CSMD2: variants seen among roughly 807,000 people sequenced by gnomAD.
CSMD2 encodes the protein CUB and Sushi multiple domains 2.
CSMD2 carries 130 observed loss-of-function variants against 398.5 expected under a neutral mutation model. The observed-to-expected ratio is 0.33, with a 90% CI of 0.28 to 0.38. The LOEUF is 0.38. Ranked by LOEUF, CSMD2 falls within the 10% of genes least tolerant of loss-of-function variation. CSMD2 has a pLI of 1.00. For missense variants in CSMD2, 3,829 were observed against 4,764.9 expected (o/e 0.80, Z 5.78); for synonymous variants, 1,828 against 1,908.5 (o/e 0.96, Z 1.10).
chr1:33,535,846 G>A (rs1423705447), intron 62 of CSMD2, among the ~76,000 whole-genome samples: 1 of 152,144 alleles, frequency 6.6e-6, no homozygotes, highest in African/African-American at 2.4e-5. Flanking sequence ...TTCTCATCAT[G>A]GAGGCCGTAG....
At chr1:33,765,102 A>G (rs1650324810) in intron 13 of CSMD2, among the ~76,000 whole-genome samples, 3 of 152,262 alleles carry the variant, frequency 2.0e-5, no homozygotes. Context: ...GTGTCTGGAT[A>G]TGAGGGCTGT....
chr1:33,718,174 G>C (rs1030453555), intron 19 of CSMD2, among the ~76,000 whole-genome samples: 3 of 152,186 alleles, frequency 2.0e-5, no homozygotes, highest in Non-Finnish European at 4.4e-5. Flanking sequence ...GATTGCAGAG[G>C]CTGTGCTCTC....
chr1:33,775,547 C>A (rs1651861975), intron 12 of CSMD2, among the ~76,000 whole-genome samples: 1 of 152,148 alleles, frequency 6.6e-6, no homozygotes, highest in Non-Finnish European at 1.5e-5. Flanking sequence ...TCACAGCTAA[C>A]TTTAGTTACA....
At chr1:33,617,936 C>G (rs1271378000) in intron 37 of CSMD2, among the ~76,000 whole-genome samples, 3 of 152,140 alleles carry the variant, frequency 2.0e-5, no homozygotes, top group Admixed American at 1.3e-4. Flanking sequence ...TCTGCATGCT[C>G]TCCTCCCACA....
chr1:34,093,420 C>T lies in CSMD2; in HGVS notation c.188-4227G>A, dbSNP rs376785293. 6.5e-3 allele frequency among the ~76,000 whole-genome samples: 992 copies of T among 152,294 alleles called. 11 individuals carry two copies. The highest frequency in any genetic ancestry group is 0.022 in the African/African-American group (916 of 41,554). On this transcript the variant is annotated intron_variant, in intron 1 of 70. Transcript: ENST00000373381. ...AAAGCTGGACGGAGAATGACTTTGA[C>T]GAGCTGAGAGAAGAAGGCTTCAGAC...
At chr1:33,703,277 G>T (rs747745327) in intron 22 of CSMD2, among the ~76,000 whole-genome samples, 1 of 152,166 alleles carries the variant, frequency 6.6e-6, no homozygotes, top group African/African-American at 2.4e-5. Flanking sequence ...TGTATAGACG[G>T]ATTTGAGAAA....
chr1:33,728,513 C>T (rs912203612), intron 15 of CSMD2, among the ~76,000 whole-genome samples: 3 of 152,084 alleles, frequency 2.0e-5, no homozygotes, highest in Admixed American at 6.6e-5. Context: ...CATTTAAATG[C>T]ATGCATTTAT....
chr1:34,052,776 C>T (rs868704914), intron 2 of CSMD2, among the ~76,000 whole-genome samples: 12 of 151,970 alleles, frequency 7.9e-5, no homozygotes, highest in African/African-American at 2.7e-4. Flanking sequence ...TAAATATACA[C>T]GAGATTGAAT....
At chr1:33,539,077 C>G (rs1297816599) in intron 60 of CSMD2, among the ~76,000 whole-genome samples, 2 of 152,080 alleles carry the variant, frequency 1.3e-5, no homozygotes, top group Non-Finnish European at 2.9e-5. Context: ...ACGCCATTCT[C>G]CTGCCCCAAC....
chr1:33,967,114 T>C (rs1482467222), intron 3 of CSMD2, among the ~76,000 whole-genome samples: 2 of 152,190 alleles, frequency 1.3e-5, no homozygotes, highest in African/African-American at 2.4e-5. Context: ...GTCATAATGA[T>C]GTGGGGTGAG....
chr1:34,073,415 T>A (rs566533455), intron 2 of CSMD2, among the ~76,000 whole-genome samples: 1 of 152,350 alleles, frequency 6.6e-6, no homozygotes, highest in East Asian at 1.9e-4. Flanking sequence ...AAAGGTCTGA[T>A]GGATGTCCCA....
intron 1 of CSMD2, among the ~76,000 whole-genome samples, chr1:34,152,635 C>A (rs140991288): frequency 6.6e-6 from 1 of 152,166 alleles, no homozygotes; most frequent in Non-Finnish European, 1.5e-5. Flanking sequence ...CTGCAGGTCT[C>A]GGCTTGAACA....
chr1:33,615,138 C>T (rs1391059676), intron 39 of CSMD2, among the ~76,000 whole-genome samples: 4 of 152,126 alleles, frequency 2.6e-5, no homozygotes, highest in Non-Finnish European at 4.4e-5. Context: ...AGGCTCACCA[C>T]GAGCCCATCC....
At chr1:33,581,015 G>T in intron 47 of CSMD2, 116 bp from the exon 48 acceptor site, 1 of 914,692 alleles carries the variant, frequency 1.1e-6, no homozygotes. Flanking sequence ...AAAATCATTT[G>T]TACTTGCACT....
chr1:33,692,810 T>C, intron 25 of CSMD2, 120 bp downstream of exon 25: 4 of 1,273,038 alleles, frequency 3.1e-6, no homozygotes, highest in Non-Finnish European at 4.5e-6. Flanking sequence ...CCACTATTGA[T>C]CACAAGGTTC....
At chr1:33,818,768 T>A (rs559612955) in intron 9 of CSMD2, among the ~76,000 whole-genome samples, 1 of 152,350 alleles carries the variant, frequency 6.6e-6, no homozygotes, top group South Asian at 2.1e-4. Flanking sequence ...ACTTATGGAC[T>A]CAGTTAAAAA....
chr1:33,660,576 C>T (rs1226538608), intron 26 of CSMD2, among the ~76,000 whole-genome samples: 1 of 152,188 alleles, frequency 6.6e-6, no homozygotes, highest in Non-Finnish European at 1.5e-5. Flanking sequence ...CTGGTATTTG[C>T]TAACTGATGA....
chr1:33,589,623 C>T (rs555020922), intron 44 of CSMD2, among the ~76,000 whole-genome samples: 5 of 152,270 alleles, frequency 3.3e-5, no homozygotes, highest in African/African-American at 1.2e-4. Context: ...ATACTTAAAA[C>T]ATCACTTCAT....
intron 4 of CSMD2, among the ~76,000 whole-genome samples, chr1:33,928,854 A>C (rs147689695): frequency 6.6e-6 from 1 of 152,176 alleles, no homozygotes; most frequent in South Asian, 2.1e-4. Flanking sequence ...AATTTGATCA[A>C]CACAATGGTG....
Sources: gnomAD v4.1 joint callset for allele counts (sites outside exome capture counted in the v4.1 genomes callset) on GRCh38, gnomAD v4.1.1 for gene constraint, MANE v1.5 for transcripts, NCBI Gene and HGNC (gene_info 2026-07-23, HGNC 2026-07-21) for gene names.